PAICS: variants seen among roughly 807,000 people sequenced by gnomAD.
The protein encoded by PAICS is bifunctional phosphoribosylaminoimidazole carboxylase/phosphoribosylaminoimidazole succinocarboxamide synthetase.
A neutral mutation model predicts 53.7 loss-of-function variants in PAICS; 33 were observed. That is an observed-to-expected ratio of 0.61 (90% confidence interval 0.47 to 0.82). The LOEUF is 0.82. Ranked by LOEUF, PAICS falls within the 40% of genes least tolerant of loss-of-function variation. The pLI is 0.00. For synonymous variants in PAICS, 141 were observed against 167.2 expected, an observed-to-expected ratio of 0.84 and a Z score of 1.21; for missense variants, 394 against 494.1, an observed-to-expected ratio of 0.80 and a Z score of 1.92.
At chr4:56,441,141 C>T (rs1463806337) in intron 1 of PAICS, among the ~76,000 whole-genome samples, 1 of 152,170 alleles carries the variant, frequency 6.6e-6, no homozygotes, top group Non-Finnish European at 1.5e-5. Flanking sequence ...TCAAGAAACT[C>T]ATCTGGCTGA....
the PAICS span, among the ~76,000 whole-genome samples, chr4:56,411,905 A>T: frequency 6.6e-6 from 1 of 152,200 alleles, no homozygotes; most frequent in Non-Finnish European, 1.5e-5. Flanking sequence ...TCATTTCATT[A>T]AAAGAAGAAT....
At chr4:56,441,181 A>G (rs1477723518) in intron 1 of PAICS, among the ~76,000 whole-genome samples, 2 of 152,218 alleles carry the variant, frequency 1.3e-5, no homozygotes, top group African/African-American at 2.4e-5. Flanking sequence ...AAAAAAGCAA[A>G]TATCAGCAAA....
chr4:56,442,814 G>A (rs986355928), intron 2 of PAICS, among the ~76,000 whole-genome samples: 1 of 152,120 alleles, frequency 6.6e-6, no homozygotes, highest in Non-Finnish European at 1.5e-5. Flanking sequence ...TTTCAGTTAA[G>A]TTAGATGTAC....
rs1718108205 is a variant in PAICS, at chr4:56,437,966, A to C, written c.16+1638A>C. Among the ~76,000 whole-genome samples the C allele has an allele frequency of 2.6e-5, 4 of 152,006 alleles. No individual in the cohort carries two copies. The South Asian group carries it at 8.3e-4, about 32-fold the overall frequency. On this transcript the variant is annotated intron_variant, in intron 1 of 8. Coordinates refer to ENST00000512576, the MANE Select transcript of PAICS (RefSeq NM_001079524.2). ...GTACCTCTAAAATGGCAAATCTCTA[A>C]AATCTTTGCTCTTCCACTTCTTTCC...
the PAICS span, chr4:56,419,925 T>C: frequency 1.0e-6 from 1 of 983,980 alleles, no homozygotes; most frequent in African/African-American, 1.7e-5. Context: ...GAGTATGAAA[T>C]TTTTTACTGA....
At chr4:56,436,247 A>C, upstream of PAICS, 2 of 1,558,946 alleles carry the variant, frequency 1.3e-6, no homozygotes, top group Non-Finnish European at 8.7e-7. Flanking sequence ...CTCTCTGACC[A>C]CCCCTCTTTT....
intron 2 of PAICS, among the ~76,000 whole-genome samples, chr4:56,443,660 G>A (rs1718448814): frequency 6.6e-6 from 1 of 152,186 alleles, no homozygotes; most frequent in Non-Finnish European, 1.5e-5. Flanking sequence ...GATAAAGCCT[G>A]ACTTTTTATT....
intron 7 of PAICS, among the ~76,000 whole-genome samples, chr4:56,452,482 T>G (rs1163569907): frequency 1.3e-5 from 2 of 152,218 alleles, no homozygotes; most frequent in African/African-American, 4.8e-5. Context: ...GCCGCTAGGC[T>G]TTCTTAATAC....
upstream of PAICS, chr4:56,431,499 CAA>C (rs767112601): frequency 6.1e-6 from 6 of 979,932 alleles, no homozygotes; most frequent in Non-Finnish European, 7.3e-6. Context: ...ATAACAGAAC[CAA>C]AAGATTCTAC....
At chr4:56,424,660 A>G in the PAICS span, among the ~76,000 whole-genome samples, 1 of 152,250 alleles carries the variant, frequency 6.6e-6, no homozygotes. Flanking sequence ...TCTGAAGCAT[A>G]AGCGAGAGAG....
At chr4:56,412,918 T>C in the PAICS span, among the ~76,000 whole-genome samples, 1 of 152,196 alleles carries the variant, frequency 6.6e-6, no homozygotes, top group African/African-American at 2.4e-5. Flanking sequence ...TTTGGTTGCA[T>C]TAAAAATAAT....
chr4:56,440,569 T>G (rs1268747936), intron 1 of PAICS, among the ~76,000 whole-genome samples: 1 of 152,214 alleles, frequency 6.6e-6, no homozygotes, highest in Admixed American at 6.5e-5. Context: ...CAATCCACTT[T>G]GACCACCTTG....
At chr4:56,425,434 G>GA in the PAICS span, 1 of 931,824 alleles carries the variant, frequency 1.1e-6, no homozygotes, top group Non-Finnish European at 1.3e-6. Context: ...TTACAAATGT[G>GA]AAAAAAGAAA....
the PAICS span, chr4:56,422,308 G>A: frequency 6.6e-6 from 1 of 151,792 alleles, no homozygotes; most frequent in Admixed American, 6.6e-5. Flanking sequence ...AATAAAACAC[G>A]ATCCTGAAGT....
chr4:56,444,109 G>A (rs1718469854), intron 2 of PAICS, among the ~76,000 whole-genome samples: 1 of 151,846 alleles, frequency 6.6e-6, no homozygotes, highest in Non-Finnish European at 1.5e-5. Flanking sequence ...ATTTAAAACT[G>A]TTTTCTTTAC....
At position 56,450,601 on chromosome 4, in the gene PAICS, TTCTA is replaced by T; in HGVS notation, c.688-14_688-11del. Reference sequence around the variant, plus strand: ...GCAAGAGATACTTGTTTTCTAAACTTTCTATCTTATTTTCTAGTCTTATCGGGAC... The same window carrying T: ...GCAAGAGATACTTGTTTTCTAAACTTTCTTATTTTCTAGTCTTATCGGGAC... On this transcript the variant is annotated splice_polypyrimidine_tract_variant and intron_variant, in intron 5 of 8. Transcript: ENST00000512576. The T allele has an allele frequency of 3.0e-6, 4 of 1,345,546 alleles. No individual in the cohort carries two copies. Among genetic ancestry groups the T allele is most frequent in the Non-Finnish European group, 4.2e-6 (4 of 962,130 alleles). 83.4% of individuals were successfully genotyped at this position (1,345,546 alleles called of 1,614,324 possible).
upstream of PAICS, among the ~76,000 whole-genome samples, chr4:56,432,704 G>C (rs1222372414): frequency 6.7e-6 from 1 of 150,092 alleles, no homozygotes; most frequent in African/African-American, 2.5e-5. Context: ...AGAATGGCGT[G>C]AACCCGGGAG....
At chr4:56,436,453 G>A in intron 1 of PAICS, 125 bp downstream of exon 1, 1 of 840,444 alleles carries the variant, frequency 1.2e-6, no homozygotes, top group Non-Finnish European at 2.0e-6. Context: ...CAGCCGCGCG[G>A]GCGCACACGT....
At chr4:56,439,917 A>C (rs980923066) in intron 1 of PAICS, among the ~76,000 whole-genome samples, 1 of 152,092 alleles carries the variant, frequency 6.6e-6, no homozygotes, top group Non-Finnish European at 1.5e-5. Flanking sequence ...GAGCCACTGC[A>C]CCTGGCCAGA....
Sources: allele counts gnomAD v4.1 joint callset (sites outside exome capture counted in the v4.1 genomes callset), GRCh38; gene constraint gnomAD v4.1.1; transcripts MANE v1.5; gene names NCBI Gene and HGNC (gene_info 2026-07-23, HGNC 2026-07-21).